Variants in ME1 observed in about 807,000 individuals in gnomAD.
ME1 encodes the protein malic enzyme 1.
Under a neutral mutation model 66.4 loss-of-function variants are expected in ME1, and 74 were observed. The ratio of observed to expected loss-of-function variants is 1.11; its 90% CI spans 0.92 to 1.35. The LOEUF (loss-of-function observed/expected upper bound fraction) is 1.35, where lower values mean the gene tolerates loss of function less well. ME1 is among the 40% of genes most tolerant of loss of function. ME1 has a pLI of 0.00. For synonymous variants in ME1, 251 were observed against 235.6 expected, an observed-to-expected ratio of 1.07 and a Z score of -0.60; for missense variants, 750 against 694.1, an observed-to-expected ratio of 1.08 and a Z score of -0.90.
rs1474162404 is a variant in ME1 at position 83,407,866 on chromosome 6, C to A, written c.114G>T (p.Leu38Phe). ...AAGGTGGCAACAATCCATGAATGTTCAATTGCTGTCTCTCTTCCAGGGTAA... is the reference window on the plus strand; with the variant it reads ...AAGGTGGCAACAATCCATGAATGTTAAATTGCTGTCTCTCTTCCAGGGTAA... ...LAFTLEERQQ[L>F]NIHGLLPPSF... The change falls in exon 2 of 14, where the codon TTG becomes TTT. Residue 38 changes from leucine to phenylalanine, a missense_variant. Coordinates refer to ENST00000369705, the MANE Select transcript of ME1 (RefSeq NM_002395.6). 2 of 1,612,886 alleles carry A rather than the reference C, an allele frequency of 1.2e-6. No individual in the cohort carries two copies. Among genetic ancestry groups the A allele is most frequent in the South Asian group, 1.1e-5 (1 of 90,830 alleles).
At chr6:83,405,580 A>T (rs1019272991) in intron 2 of ME1, among the ~76,000 whole-genome samples, 1 of 152,044 alleles carries the variant, frequency 6.6e-6, no homozygotes, top group Non-Finnish European at 1.5e-5. Context: ...CTTGTCTTGT[A>T]CCGGTTTTCA....
At chr6:83,307,930 T>C (rs1053760312) in intron 6 of ME1, among the ~76,000 whole-genome samples, 4 of 152,154 alleles carry the variant, frequency 2.6e-5, no homozygotes, top group African/African-American at 9.6e-5. Flanking sequence ...AGGCTATATA[T>C]CTTGAAATCT....
At chr6:83,417,239 T>G (rs1052664354) in intron 1 of ME1, among the ~76,000 whole-genome samples, 8 of 152,092 alleles carry the variant, frequency 5.3e-5, no homozygotes, top group Admixed American at 1.3e-4. Flanking sequence ...TGAGACAGGG[T>G]CTCACTATGT....
intron 6 of ME1, among the ~76,000 whole-genome samples, chr6:83,275,558 C>A (rs1345106930): frequency 7.1e-6 from 1 of 141,652 alleles, no homozygotes; most frequent in Non-Finnish European, 1.5e-5. Context: ...CTCCGCCTCC[C>A]GGGTTCATGC....
intron 11 of ME1, among the ~76,000 whole-genome samples, chr6:83,225,205 C>CA (rs146673365): frequency 0.074 from 2,755 of 37,466 alleles, 45 homozygotes; most frequent in Non-Finnish European, 0.095. Flanking sequence ...GACTCCATCT[C>CA]AAAAAAAAAA....
chr6:83,321,185 T>A (rs1463329497), intron 5 of ME1, among the ~76,000 whole-genome samples: 1 of 152,128 alleles, frequency 6.6e-6, no homozygotes, highest in Non-Finnish European at 1.5e-5. Context: ...CCTTGGGTGC[T>A]TACACCACAA....
intron 6 of ME1, among the ~76,000 whole-genome samples, chr6:83,283,965 G>A (rs895222329): frequency 3.3e-5 from 5 of 152,192 alleles, no homozygotes; most frequent in African/African-American, 1.2e-4. Flanking sequence ...CTTTGAAAGA[G>A]GGAACAAGAT....
intron 3 of ME1, among the ~76,000 whole-genome samples, chr6:83,362,375 A>T (rs1769021910): frequency 1.3e-5 from 2 of 152,244 alleles, no homozygotes; most frequent in South Asian, 2.1e-4. Flanking sequence ...GGGTGATCTC[A>T]GCAGAAGAGG....
intron 3 of ME1, among the ~76,000 whole-genome samples, chr6:83,396,153 C>T (rs964830949): frequency 2.1e-4 from 32 of 151,958 alleles, no homozygotes; most frequent in African/African-American, 7.5e-4. Context: ...CACATGAGGC[C>T]AACAGTTTGA....
intron 3 of ME1, among the ~76,000 whole-genome samples, chr6:83,384,497 G>GT (rs1769472237): frequency 1.3e-5 from 2 of 151,464 alleles, no homozygotes; most frequent in African/African-American, 4.9e-5. Context: ...GGATTGTTTG[G>GT]TTTTTGCTTG....
rs181480189 is a variant in ME1, at chr6:83,401,101, C to T, written c.213-2585G>A. Among the ~76,000 whole-genome samples the T allele has an allele frequency of 2.2e-3, 342 of 152,262 alleles. 2 individuals are homozygous for T. Among genetic ancestry groups the T allele is most frequent in the Non-Finnish European group, 3.6e-3 (244 of 68,022 alleles). The stretch of plus-strand genomic sequence containing the variant: ...TGCTCTACCTTTATTTCCCCCATCC[C>T]AAGACACTAGCCATTTTCTAGCATA... On this transcript the variant is annotated intron_variant, in intron 2 of 13. Transcript: ENST00000369705.
intron 6 of ME1, among the ~76,000 whole-genome samples, chr6:83,307,090 A>G (rs1767838470): frequency 6.6e-6 from 1 of 152,146 alleles, no homozygotes; most frequent in Non-Finnish European, 1.5e-5. Flanking sequence ...ATGCAAATCA[A>G]ATATCAAAAT....
At chr6:83,352,216 T>TG in intron 3 of ME1, 77 bp from the exon 4 acceptor site, 1 of 938,202 alleles carries the variant, frequency 1.1e-6, no homozygotes, top group Non-Finnish European at 1.5e-6. Flanking sequence ...TATCTTAAAT[T>TG]TTTTTTCAAA....
intron 3 of ME1, among the ~76,000 whole-genome samples, chr6:83,376,461 C>G (rs1252410162): frequency 6.8e-6 from 1 of 148,126 alleles, no homozygotes; most frequent in African/African-American, 2.5e-5. Context: ...TGCCATTGCA[C>G]TCCAGCCTGG....
rs147661974 is a variant in ME1, at chr6:83,401,237, A to C, written c.213-2721T>G. On this transcript the variant is annotated intron_variant, in intron 2 of 13. Coordinates refer to ENST00000369705, the MANE Select transcript of ME1 (RefSeq NM_002395.6). ...GTAGTCCTAGCTACTTGGAAGGGTG[A>C]GGCAGGAGAACTGTTTGAGCCCAGG... 2.7e-3 allele frequency among the ~76,000 whole-genome samples: 414 copies of C among 152,328 alleles called. 1 individual carries two copies. Among genetic ancestry groups the C allele is most frequent in the Non-Finnish European group, 3.4e-3 (231 of 68,036 alleles).
chr6:83,296,801 T>A (rs1350807270), intron 6 of ME1, among the ~76,000 whole-genome samples: 1 of 152,232 alleles, frequency 6.6e-6, no homozygotes. Flanking sequence ...CTTCATTTGA[T>A]AAACAACTTC....
chr6:83,362,603 C>T (rs1043593183), intron 3 of ME1, among the ~76,000 whole-genome samples: 23 of 152,200 alleles, frequency 1.5e-4, no homozygotes, highest in African/African-American at 5.5e-4. Context: ...CAGCAGAGAC[C>T]AACACTGAGC....
chr6:83,232,323 G>T (rs1024510294), intron 9 of ME1, among the ~76,000 whole-genome samples: 6 of 152,140 alleles, frequency 3.9e-5, no homozygotes, highest in African/African-American at 1.4e-4. Flanking sequence ...TGCAAATCAG[G>T]TATGTGCACT....
intron 1 of ME1, among the ~76,000 whole-genome samples, chr6:83,425,323 T>C (rs1232703326): frequency 6.6e-6 from 1 of 152,162 alleles, no homozygotes; most frequent in East Asian, 1.9e-4. Flanking sequence ...ATTACTAACA[T>C]TGGTATGAAT....
Sources: gnomAD v4.1 joint callset for allele counts (sites outside exome capture counted in the v4.1 genomes callset) on GRCh38, gnomAD v4.1.1 for gene constraint, MANE v1.5 for transcripts, NCBI Gene and HGNC (gene_info 2026-07-23, HGNC 2026-07-21) for gene names.